GALNT17: variants seen among roughly 807,000 people sequenced by gnomAD.
The protein encoded by GALNT17 is polypeptide N-acetylgalactosaminyltransferase 17, also known as UDP-GalNAc:polypeptide N-acetylgalactosaminyltransferase-like 3.
In GALNT17, 29 loss-of-function variants were observed where a neutral mutation model predicts 63.7. The observed-to-expected ratio is 0.46, with a 90% confidence interval of 0.34 to 0.62. GALNT17 has a LOEUF of 0.62. Among genes scored for constraint, GALNT17 ranks in the 20% least tolerant of loss-of-function variants. The pLI is 0.01. For missense variants in GALNT17, 603 were observed against 799.6 expected, an observed-to-expected ratio of 0.75 and a Z score of 2.97; for synonymous variants, 305 against 318.3, an observed-to-expected ratio of 0.96 and a Z score of 0.45.
chr7:71,494,667 T>C (rs947827265), intron 5 of GALNT17, among the ~76,000 whole-genome samples: 1 of 152,042 alleles, frequency 6.6e-6, no homozygotes, highest in Non-Finnish European at 1.5e-5. Flanking sequence ...CTTGTCAGCT[T>C]TGTGATAAAG....
intron 5 of GALNT17, among the ~76,000 whole-genome samples, chr7:71,507,496 T>G (rs569086961): frequency 6.6e-6 from 1 of 152,300 alleles, no homozygotes; most frequent in South Asian, 2.1e-4. Flanking sequence ...AATTAGGAGA[T>G]AGTTCTGCTG....
rs73354167 is a variant in GALNT17, at chr7:71,687,947, C to A, written c.1500+10641C>A. On this transcript the variant is annotated intron_variant, in intron 9 of 10. Coordinates refer to ENST00000333538, the MANE Select transcript of GALNT17 (RefSeq NM_022479.3). ...TCCTAGGCTCGAGTGATTCTCCCCCCTCAGCCTCCCAAAGTGCTGGGATTA... is the reference window on the plus strand; with the variant it reads ...TCCTAGGCTCGAGTGATTCTCCCCCATCAGCCTCCCAAAGTGCTGGGATTA... Among the ~76,000 whole-genome samples, 1,072 of 152,188 alleles carry A rather than the reference C, an allele frequency of 7.0e-3. 12 individuals carry two copies. Among genetic ancestry groups the A allele is most frequent in the African/African-American group, 0.025 (1,027 of 41,504 alleles).
intron 6 of GALNT17, among the ~76,000 whole-genome samples, chr7:71,629,612 G>A (rs188155094): frequency 7.9e-5 from 12 of 152,044 alleles, no homozygotes; most frequent in South Asian, 2.1e-4. Context: ...CTTGAGTAGC[G>A]GGGACTGTGG....
In GALNT17 at chr7:71,400,202, C is replaced by A. The variant is rs188938745; in HGVS notation, c.589+11801C>A. Among the ~76,000 whole-genome samples the A allele has an allele frequency of 3.0e-4, 46 of 152,138 alleles. 4 individuals carry two copies. The highest frequency in any genetic ancestry group is 2.9e-3 in the East Asian group (15 of 5,158). On this transcript the variant is annotated intron_variant, in intron 3 of 10. Transcript: ENST00000333538. ...TGTGTGATGCTCCCCTCTCTGTGTC[C>A]GTGTGTTCTCATTGTTCAACTCTCC...
rs140275568 is a variant in GALNT17, at chr7:71,273,995, C to T, written c.239-61555C>T. Among the ~76,000 whole-genome samples, 28 of 152,318 alleles carry T rather than the reference C, an allele frequency of 1.8e-4. No individual in the cohort carries two copies. In the East Asian group the frequency reaches 5.2e-3, roughly 28 times the overall value. On this transcript the variant is annotated intron_variant, in intron 1 of 10. Transcript: ENST00000333538. Reference sequence around the variant, plus strand: ...AAAAATGCCTGGCATCTAAGCATAGCATGTGCCACACTGAAGAATATTCTG... The same window carrying T: ...AAAAATGCCTGGCATCTAAGCATAGTATGTGCCACACTGAAGAATATTCTG...
chr7:71,148,128 A>AT (rs1000665827), intron 1 of GALNT17, among the ~76,000 whole-genome samples: 1 of 152,138 alleles, frequency 6.6e-6, no homozygotes, highest in African/African-American at 2.4e-5. Context: ...GGTTTCATTC[A>AT]TTTTTTAAAA....
chr7:71,660,387 G>A (rs777890054), intron 6 of GALNT17, among the ~76,000 whole-genome samples: 2 of 152,176 alleles, frequency 1.3e-5, no homozygotes, highest in Non-Finnish European at 2.9e-5. Flanking sequence ...AGCCTGGGGC[G>A]CTTTCCATTT....
chr7:71,432,490 T>C lies in GALNT17; in HGVS notation c.962+11385T>C, dbSNP rs551320828. ...GCCTTGGCATGCAAAGACACTCTTA[T>C]CAGGTAGGATATTCCAAGGGCTTAG... is the stretch of plus-strand genomic sequence containing the variant. On this transcript the variant is annotated intron_variant, in intron 5 of 10. Coordinates refer to ENST00000333538, the MANE Select transcript of GALNT17 (RefSeq NM_022479.3). Among the ~76,000 whole-genome samples, 27 of 152,280 alleles carry C rather than the reference T, an allele frequency of 1.8e-4. No homozygotes were observed. In the East Asian group the frequency reaches 4.8e-3, roughly 27 times the overall value.
chr7:71,618,277 G>A (rs1034684429), intron 6 of GALNT17, among the ~76,000 whole-genome samples: 4 of 152,172 alleles, frequency 2.6e-5, no homozygotes, highest in African/African-American at 9.7e-5. Flanking sequence ...ATGAACATAC[G>A]AGTGCAGGTG....
chr7:71,588,444 T>C (rs1279836946), intron 6 of GALNT17, among the ~76,000 whole-genome samples: 1 of 152,242 alleles, frequency 6.6e-6, no homozygotes, highest in East Asian at 1.9e-4. Context: ...TGACATAATT[T>C]TCTCTGTGTG....
intron 1 of GALNT17, among the ~76,000 whole-genome samples, chr7:71,210,650 T>G (rs910491788): frequency 3.3e-5 from 5 of 152,218 alleles, no homozygotes; most frequent in Admixed American, 2.6e-4. Flanking sequence ...TGTTCATCAC[T>G]TTTAGTGACA....
intron 6 of GALNT17, among the ~76,000 whole-genome samples, chr7:71,606,181 C>T (rs1790045659): frequency 1.3e-5 from 2 of 149,678 alleles, no homozygotes; most frequent in African/African-American, 5.0e-5. Context: ...TCTCAAACTC[C>T]TGGGCTCAAG....
intron 3 of GALNT17, among the ~76,000 whole-genome samples, chr7:71,401,795 G>A (rs1171629485): frequency 6.6e-6 from 1 of 151,992 alleles, no homozygotes; most frequent in Non-Finnish European, 1.5e-5. Flanking sequence ...ACAAGCTCAG[G>A]GCTCCCACTG....
chr7:71,443,509 G>C (rs1390056311), intron 5 of GALNT17, among the ~76,000 whole-genome samples: 1 of 152,084 alleles, frequency 6.6e-6, no homozygotes, highest in African/African-American at 2.4e-5. Context: ...TCATCTTAGA[G>C]CTGGTTGTTT....
chr7:71,331,320 G>T (rs570007238), intron 1 of GALNT17, among the ~76,000 whole-genome samples: 5 of 152,052 alleles, frequency 3.3e-5, no homozygotes, highest in African/African-American at 1.2e-4. Context: ...GCCATCTCTC[G>T]CACAGGCTGC....
intron 5 of GALNT17, among the ~76,000 whole-genome samples, chr7:71,479,865 A>G (rs895811420): frequency 1.3e-5 from 2 of 152,186 alleles, no homozygotes; most frequent in Non-Finnish European, 2.9e-5. Context: ...CAAACACCAC[A>G]GTGGTGCTAT....
At chr7:71,226,928 C>T (rs1461463076) in intron 1 of GALNT17, among the ~76,000 whole-genome samples, 1 of 152,010 alleles carries the variant, frequency 6.6e-6, no homozygotes, top group Non-Finnish European at 1.5e-5. Flanking sequence ...GACAGTCCGT[C>T]CCCCCTCTAT....
chr7:71,543,030 C>T (rs1254322976), intron 5 of GALNT17, among the ~76,000 whole-genome samples: 2 of 80,010 alleles, frequency 2.5e-5, no homozygotes, highest in Non-Finnish European at 5.6e-5. Flanking sequence ...TTTAGTTTGA[C>T]CTTTGTTAAA....
intron 1 of GALNT17, among the ~76,000 whole-genome samples, chr7:71,146,935 G>T (rs993066329): frequency 6.6e-6 from 1 of 152,048 alleles, no homozygotes; most frequent in Admixed American, 6.6e-5. Flanking sequence ...TCCTAGCCTC[G>T]GACACAAGGG....
Sources: gnomAD v4.1 joint callset for allele counts (sites outside exome capture counted in the v4.1 genomes callset) on GRCh38, gnomAD v4.1.1 for gene constraint, MANE v1.5 for transcripts, NCBI Gene and HGNC (gene_info 2026-07-23, HGNC 2026-07-21) for gene names.